The following QRSL1 variants were observed in gnomAD, a reference collection of about 807,000 sequenced individuals.
The protein encoded by QRSL1 is glutamyl-tRNA(Gln) amidotransferase subunit A, mitochondrial.
Under a neutral mutation model 61.6 loss-of-function variants are expected in QRSL1, and 54 were observed. The observed-to-expected ratio is 0.88, with a 90% CI of 0.70 to 1.10. QRSL1 has a LOEUF of 1.10. Among genes scored for constraint, QRSL1 ranks in the 50% least tolerant of loss-of-function variants. QRSL1 has a pLI of 0.00. For synonymous variants in QRSL1, 228 were observed against 225.7 expected (o/e 1.01, Z -0.09); for missense variants, 505 against 622.6 (o/e 0.81, Z 2.01).
At chr6:106,645,775 G>A (rs192361418) in intron 4 of QRSL1, among the ~76,000 whole-genome samples, 53 of 152,220 alleles carry the variant, frequency 3.5e-4, no homozygotes, top group Admixed American at 9.2e-4. Flanking sequence ...ATTGTTTATT[G>A]CTAGTACATT....
intron 1 of QRSL1, 97 bp from the exon 2 acceptor site, chr6:106,640,252 T>C (rs1776996099): frequency 5.5e-6 from 6 of 1,094,544 alleles, no homozygotes; most frequent in Non-Finnish European, 8.1e-6. Context: ...CTTTAAAATG[T>C]TATACTTAGC....
rs201077509 is a variant in QRSL1 at position 106,652,300 on chromosome 6, C to T, written c.649C>T (p.Arg217Cys). Reference protein sequence around the residue: ...GFKPSYGLVSRHGLIPLVNSM... With the variant: ...GFKPSYGLVSCHGLIPLVNSM... ...CAAACCAAGCTATGGCTTAGTTTCC[C>T]GTCATGGTCTCATTCCCCTGGTGAA... Residue 217 changes from arginine (R) to cysteine (C), a missense_variant, in exon 6 of 11, where the codon CGT becomes TGT. Coordinates refer to ENST00000369046, the MANE Select transcript of QRSL1 (RefSeq NM_018292.5). The T allele has an allele frequency of 6.8e-5, 110 of 1,614,024 alleles. No homozygotes were observed. The highest frequency in any genetic ancestry group is 6.0e-5 in the Non-Finnish European group (71 of 1,180,020).
At chr6:106,640,625 C>A in intron 2 of QRSL1, 117 bp downstream of exon 2, 1 of 1,061,184 alleles carries the variant, frequency 9.4e-7, no homozygotes, top group Non-Finnish European at 1.3e-6. Context: ...ATTTAAAGAA[C>A]TTGCCATGAG....
chr6:106,648,482 A>G (rs942438949), intron 4 of QRSL1, among the ~76,000 whole-genome samples: 1 of 152,184 alleles, frequency 6.6e-6, no homozygotes, highest in Non-Finnish European at 1.5e-5. Context: ...TTGTGTATAT[A>G]TGTACATATG....
At chr6:106,645,110 G>A (rs937682724) in intron 4 of QRSL1, among the ~76,000 whole-genome samples, 2 of 152,100 alleles carry the variant, frequency 1.3e-5, no homozygotes, top group African/African-American at 2.4e-5. Flanking sequence ...ACACCATCTT[G>A]ATTATTATAG....
rs1450825217 is a variant in QRSL1, at chr6:106,667,868, A to G, written c.*1866A>G. ...GACACCACAACATCCTAGATGGAGG[A>G]AACCATTTTAGTTGAAGGAGCAAAT... On this transcript the variant is annotated 3_prime_UTR_variant, in exon 11 of 11. Transcript: ENST00000369046. 6.6e-6 allele frequency: 1 copy of G among 151,972 alleles called. No individual in the cohort carries two copies. Among genetic ancestry groups the G allele is most frequent in the African/African-American group, 2.4e-5 (1 of 41,352 alleles). The allele number at this position is 151,972 out of a possible 1,614,324, so 9.4% of individuals were successfully genotyped here.
chr6:106,667,970 G>C lies in QRSL1; in HGVS notation c.*1968G>C, dbSNP rs1272025898. 1.3e-5 allele frequency: 2 copies of C among 149,192 alleles called. No individual in the cohort carries two copies. Among genetic ancestry groups the C allele is most frequent in the East Asian group, 3.9e-4 (2 of 5,188 alleles). The allele number at this position is 149,192 out of a possible 1,614,324, so 9.2% of individuals were successfully genotyped here. ...TGTAATGAATTTAAAAAAAAAGAGA[G>C]AGAGAGAGAGATGGGCTCTCCCTGT... On this transcript the variant is annotated 3_prime_UTR_variant, in exon 11 of 11. Transcript: ENST00000369046.
At chr6:106,661,361 G>T (rs531791399) in intron 9 of QRSL1, among the ~76,000 whole-genome samples, 1 of 152,028 alleles carries the variant, frequency 6.6e-6, no homozygotes, top group Non-Finnish European at 1.5e-5. Context: ...GTGATCCGAC[G>T]CCTCGGCCTC....
At chr6:106,636,610 C>G (rs572474705) in intron 1 of QRSL1, among the ~76,000 whole-genome samples, 1 of 152,086 alleles carries the variant, frequency 6.6e-6, no homozygotes, top group Non-Finnish European at 1.5e-5. Flanking sequence ...TGAGCCACCG[C>G]GCCCAGCCAG....
At chr6:106,648,902 T>G in intron 4 of QRSL1, 123 bp from the exon 5 acceptor site, 1 of 955,844 alleles carries the variant, frequency 1.0e-6, no homozygotes, top group Non-Finnish European at 1.5e-6. Context: ...CCTTTTTCAA[T>G]TCAAGCTACA....
chr6:106,637,931 T>G (rs1041019198), intron 1 of QRSL1, among the ~76,000 whole-genome samples: 3 of 152,230 alleles, frequency 2.0e-5, no homozygotes, highest in Non-Finnish European at 4.4e-5. Flanking sequence ...ATGGTCTTAA[T>G]GCAAATCGGC....
Position 106,650,202 on chromosome 6 carries a change from ATG to A in QRSL1, c.557+1004_557+1005del, listed in dbSNP as rs1777170650. Reference sequence around the variant, plus strand: ...TCCCACTTAGTGTTCATCTTTCTGAATGTGCTTTTTAGTAGATGGCATTTTGA... The same window carrying A: ...TCCCACTTAGTGTTCATCTTTCTGAATGCTTTTTAGTAGATGGCATTTTGA... On this transcript the variant is annotated intron_variant, in intron 5 of 10. Coordinates refer to ENST00000369046, the MANE Select transcript of QRSL1 (RefSeq NM_018292.5). Among the ~76,000 whole-genome samples the A allele has an allele frequency of 3.9e-5, 6 of 152,266 alleles. 1 individual carries two copies. The South Asian group carries it at 1.2e-3, about 32-fold the overall frequency.
chr6:106,666,079 C>A lies in QRSL1; in HGVS notation c.*77C>A. 1.7e-6 allele frequency: 2 copies of A among 1,152,488 alleles called. No individual in the cohort carries two copies. Among genetic ancestry groups the A allele is most frequent in the Non-Finnish European group, 2.6e-6 (2 of 778,294 alleles). The allele number at this position is 1,152,488 out of a possible 1,614,324, so 71.4% of individuals were successfully genotyped here. A position where few individuals can be genotyped will look rare whatever the true frequency, so the allele number is the denominator to read the frequency against. ...CTGTAATCCCAGCACTTTGGGAGGCCAAGGCGAGCGGATCATGAGGTCAGA... is the reference window on the plus strand; with the variant it reads ...CTGTAATCCCAGCACTTTGGGAGGCAAAGGCGAGCGGATCATGAGGTCAGA... On this transcript the variant is annotated 3_prime_UTR_variant, in exon 11 of 11. Transcript: ENST00000369046.
chr6:106,640,419 A>G lies in QRSL1; in HGVS notation c.95A>G (p.Lys32Arg). ...TGTCAAAAATGTCTCTCTCTTATCA[A>G]GAAGACCAAGTTTCTAAATGCCTAC... ...ELCQKCLSLIKKTKFLNAYIT... is the reference protein window; with the variant it reads ...ELCQKCLSLIRKTKFLNAYIT... The change falls in exon 2 of 11, where the codon AAG (lysine) becomes AGG (arginine). Residue 32 changes from lysine (K) to arginine (R), a missense_variant. Lys to Arg is a conservative substitution (Grantham distance 26, BLOSUM62 2). Transcript: ENST00000369046. The G allele has an allele frequency of 6.2e-7, 1 of 1,612,372 alleles. No homozygotes were observed. The highest frequency in any genetic ancestry group is 8.5e-7 in the Non-Finnish European group (1 of 1,179,004).
At chr6:106,645,579 C>T (rs948556994) in intron 4 of QRSL1, among the ~76,000 whole-genome samples, 3 of 152,018 alleles carry the variant, frequency 2.0e-5, no homozygotes, top group South Asian at 2.1e-4. Context: ...CATGCCACCA[C>T]GCCCGGCTAA....
At chr6:106,661,323 G>T (rs942175884) in intron 9 of QRSL1, among the ~76,000 whole-genome samples, 1 of 152,172 alleles carries the variant, frequency 6.6e-6, no homozygotes, top group Admixed American at 6.5e-5. Context: ...CACCATGTTG[G>T]TCAAGCTGGT....
chr6:106,656,896 A>G (rs991651314), intron 9 of QRSL1, among the ~76,000 whole-genome samples: 4 of 152,166 alleles, frequency 2.6e-5, no homozygotes, highest in African/African-American at 7.2e-5. Flanking sequence ...GGTTCGAGCA[A>G]TCCACCCATC....
At chr6:106,664,543 A>T (rs1777404162) in intron 10 of QRSL1, among the ~76,000 whole-genome samples, 1 of 152,104 alleles carries the variant, frequency 6.6e-6, no homozygotes, top group African/African-American at 2.4e-5. Context: ...TGGATGTAGA[A>T]CTCTGGTTCA....
intron 3 of QRSL1, chr6:106,642,758 T>C: frequency 1.4e-6 from 1 of 737,736 alleles, no homozygotes; most frequent in Non-Finnish European, 2.5e-6. Context: ...CCGAGATAGC[T>C]TCCTGAAACG....
Sources: gnomAD v4.1 joint callset for allele counts (sites outside exome capture counted in the v4.1 genomes callset) on GRCh38, gnomAD v4.1.1 for gene constraint, MANE v1.5 for transcripts, NCBI Gene and HGNC (gene_info 2026-07-23, HGNC 2026-07-21) for gene names.